The following TBC1D1 variants were observed in gnomAD, a reference collection of about 807,000 sequenced individuals.
The protein encoded by TBC1D1 is TBC1 domain family member 1.
Under a neutral mutation model 125.6 loss-of-function variants are expected in TBC1D1, and 89 were observed. That is an observed-to-expected ratio of 0.71 (90% CI 0.60 to 0.85). The LOEUF (loss-of-function observed/expected upper bound fraction) is 0.85. TBC1D1 is among the 40% of genes least tolerant of loss of function. The pLI is 0.00. For missense variants in TBC1D1, 1,377 were observed against 1,469.2 expected, an observed-to-expected ratio of 0.94 and a Z score of 1.03; for synonymous variants, 565 against 564.1, an observed-to-expected ratio of 1.00 and a Z score of -0.02.
chr4:38,129,456 G>T (rs1765226006), intron 18 of TBC1D1, among the ~76,000 whole-genome samples: 1 of 152,224 alleles, frequency 6.6e-6, no homozygotes, highest in African/African-American at 2.4e-5. Flanking sequence ...ATAACAAGCA[G>T]AGGGACTTTT....
rs1361951422 is a variant in TBC1D1, at chr4:37,977,960, C to A, written c.418-36549C>A. On this transcript the variant is annotated intron_variant, in intron 2 of 19. Transcript: ENST00000261439. The surrounding 1 kb of genome is among the most constrained non-coding windows in gnomAD (Gnocchi z 4.3). Reference sequence around the variant, plus strand: ...CAGAAGTCGGCTTGCGCTGGGCCGCCTGGACAGGGCGCCGAGGATGCCCAG... The same window carrying A: ...CAGAAGTCGGCTTGCGCTGGGCCGCATGGACAGGGCGCCGAGGATGCCCAG... Among the ~76,000 whole-genome samples the A allele has an allele frequency of 6.6e-6, 1 of 152,204 alleles. No homozygotes were observed. Among genetic ancestry groups the A allele is most frequent in the Non-Finnish European group, 1.5e-5 (1 of 68,026 alleles).
At chr4:38,100,313 C>T (rs1338785397) in intron 14 of TBC1D1, among the ~76,000 whole-genome samples, 1 of 152,204 alleles carries the variant, frequency 6.6e-6, no homozygotes, top group South Asian at 2.1e-4. Flanking sequence ...CAAAACCATG[C>T]CGTTAGCTTG....
At chr4:38,006,474 A>ATTTTTT (rs71190940) in intron 2 of TBC1D1, among the ~76,000 whole-genome samples, 13 of 101,358 alleles carry the variant, frequency 1.3e-4, no homozygotes, top group East Asian at 5.8e-4. Context: ...GACCAACACT[A>ATTTTTT]TTTTTTTTTT....
intron 12 of TBC1D1, among the ~76,000 whole-genome samples, chr4:38,068,107 C>A (rs1754049635): frequency 1.3e-5 from 2 of 152,152 alleles, no homozygotes; most frequent in South Asian, 4.1e-4. Flanking sequence ...ATTCCTTCGC[C>A]TTTGGCTTCC....
intron 1 of TBC1D1, among the ~76,000 whole-genome samples, chr4:37,894,030 C>T (rs1277994829): frequency 2.0e-5 from 3 of 151,154 alleles, no homozygotes; most frequent in Non-Finnish European, 4.4e-5. Context: ...GCTGTGTCAC[C>T]CAGGCTGGAG....
chr4:38,041,736 A>G (rs1187647824), intron 8 of TBC1D1, among the ~76,000 whole-genome samples: 2 of 152,250 alleles, frequency 1.3e-5, no homozygotes, highest in African/African-American at 4.8e-5. Flanking sequence ...ATTTAGTTTC[A>G]ACTACATATC....
chr4:37,965,067 C>A (rs1730819136), intron 2 of TBC1D1, among the ~76,000 whole-genome samples: 1 of 152,202 alleles, frequency 6.6e-6, no homozygotes. Context: ...CTAGGTGAGG[C>A]CTTTGGTGAA....
chr4:38,050,813 T>A lies in TBC1D1; in HGVS notation c.1910+915T>A, dbSNP rs189807249. On this transcript the variant is annotated intron_variant, in intron 11 of 19. Coordinates refer to ENST00000261439, the MANE Select transcript of TBC1D1 (RefSeq NM_015173.4). ...TGTTCTGAGTAAAGAAGTGTGAGCA[T>A]TAACAGTCCTGGATGATGGAGCAGA... Among the ~76,000 whole-genome samples, 7 of 152,320 alleles carry A rather than the reference T, an allele frequency of 4.6e-5. No homozygotes were observed. In the East Asian group the frequency reaches 1.3e-3, roughly 29 times the overall value.
chr4:38,021,677 G>C lies in TBC1D1; in HGVS notation c.1169G>C (p.Cys390Ser). Reference sequence around the variant, plus strand: ...GCGCCAGCCCAGCTGTGTGAGGGCTGCCCCCTGCAAAGCCTGCACAAGCTC... The same window carrying C: ...GCGCCAGCCCAGCTGTGTGAGGGCTCCCCCCTGCAAAGCCTGCACAAGCTC... Residue 390 changes from cysteine (C) to serine (S), a missense_variant, in exon 6 of 20, where the codon TGC becomes TCC. This residue lies in a region of TBC1D1 where 822 missense variants were observed against 824.6 expected (regional missense o/e 1.00). Transcript: ENST00000261439. The C allele has an allele frequency of 1.9e-6, 3 of 1,595,764 alleles. No homozygotes were observed. Among genetic ancestry groups the C allele is most frequent in the Non-Finnish European group, 2.6e-6 (3 of 1,171,364 alleles).
Position 38,027,829 on chromosome 4 carries a change from C to G in TBC1D1, c.1252C>G (p.Leu418Val). ...AACAAAACTAGAACTGCAAAAGCACCTGACGACATTAACCAATCAGGAGCA... is the reference window on the plus strand; with the variant it reads ...AACAAAACTAGAACTGCAAAAGCACGTGACGACATTAACCAATCAGGAGCA... The change falls in exon 7 of 20, where the codon CTG becomes GTG. Residue 418 changes from leucine (L) to valine (V), a missense_variant. Leu to Val is a conservative substitution (Grantham distance 32, BLOSUM62 1). Coordinates refer to ENST00000261439, the MANE Select transcript of TBC1D1 (RefSeq NM_015173.4). The G allele has an allele frequency of 6.2e-7, 1 of 1,613,656 alleles. No individual in the cohort carries two copies. The highest frequency in any genetic ancestry group is 1.3e-5 in the African/African-American group (1 of 74,970).
intron 2 of TBC1D1, among the ~76,000 whole-genome samples, chr4:37,904,264 A>T (rs111875693): frequency 3.6e-4 from 55 of 152,256 alleles, no homozygotes; most frequent in African/African-American, 1.3e-3. Context: ...CGTCTTAGGT[A>T]AAAAGAAACA....
At chr4:38,079,777 C>G (rs1218285890) in intron 12 of TBC1D1, among the ~76,000 whole-genome samples, 1 of 151,964 alleles carries the variant, frequency 6.6e-6, no homozygotes, top group South Asian at 2.1e-4. Context: ...ATTTAATGGT[C>G]AGGTCATCCA....
chr4:38,078,560 C>T (rs949449997), intron 12 of TBC1D1, among the ~76,000 whole-genome samples: 6 of 152,134 alleles, frequency 3.9e-5, no homozygotes, highest in Non-Finnish European at 7.4e-5. Context: ...GTGAGTGAAG[C>T]CCTCATGAAT....
intron 2 of TBC1D1, chr4:37,960,722 G>T: frequency 6.2e-7 from 1 of 1,614,156 alleles, no homozygotes; most frequent in Non-Finnish European, 8.5e-7. Flanking sequence ...TGACCGAGAA[G>T]ACTGTTAAAA....
chr4:37,977,517 C>G lies in TBC1D1; in HGVS notation c.418-36992C>G, dbSNP rs1733416426. 2.0e-6 allele frequency: 2 copies of G among 992,360 alleles called. No individual in the cohort carries two copies. Among genetic ancestry groups the G allele is most frequent in the Non-Finnish European group, 2.4e-6 (2 of 825,524 alleles). The allele number at this position is 992,360 out of a possible 1,614,324, so 61.5% of individuals were successfully genotyped here. A position where few individuals can be genotyped will look rare whatever the true frequency, so the allele number is the denominator to read the frequency against. On this transcript the variant is annotated intron_variant, in intron 2 of 19. Coordinates refer to ENST00000261439, the MANE Select transcript of TBC1D1 (RefSeq NM_015173.4). This position sits in a 1 kb window ranked among gnomAD's most constrained non-coding sequence, Gnocchi z 4.3. The stretch of plus-strand genomic sequence containing the variant: ...GGCCCGCGATGTCACCATTGTTCAG[C>G]TGGGTGGCCAAGGTAGGCGGCGTCG...
rs576986891 is a variant in TBC1D1, at chr4:37,922,219, T to C, written c.417+19707T>C. On this transcript the variant is annotated intron_variant, in intron 2 of 19. Transcript: ENST00000261439. Reference sequence around the variant, plus strand: ...TAATATGCTCACCCATCTTTTGTTTTGGTATCATAACTAATTTACAGTTGT... The same window carrying C: ...TAATATGCTCACCCATCTTTTGTTTCGGTATCATAACTAATTTACAGTTGT... Among the ~76,000 whole-genome samples, 15 of 152,342 alleles carry C rather than the reference T, an allele frequency of 9.8e-5. 1 individual carries two copies. The South Asian group carries it at 2.7e-3, about 27-fold the overall frequency.
At chr4:37,907,135 A>G (rs1417137907) in intron 2 of TBC1D1, among the ~76,000 whole-genome samples, 1 of 152,232 alleles carries the variant, frequency 6.6e-6, no homozygotes, top group Non-Finnish European at 1.5e-5. Flanking sequence ...CTCATAGCTG[A>G]TTCTCTATTC....
chr4:38,130,289 A>G (rs1765374220), intron 18 of TBC1D1, among the ~76,000 whole-genome samples: 1 of 152,248 alleles, frequency 6.6e-6, no homozygotes, highest in Non-Finnish European at 1.5e-5. Context: ...ACATGCTTTT[A>G]GGAAATAGGA....
intron 2 of TBC1D1, among the ~76,000 whole-genome samples, chr4:37,979,810 G>A (rs551253108): frequency 2.6e-5 from 4 of 152,284 alleles, no homozygotes; most frequent in South Asian, 2.1e-4. Context: ...ACAGAGCTTC[G>A]CTCTTGTTGT....
Sources: allele counts gnomAD v4.1 joint callset (sites outside exome capture counted in the v4.1 genomes callset), GRCh38; gene constraint gnomAD v4.1.1; regional missense constraint gnomAD v4.1.1; non-coding constraint Gnocchi (gnomAD v3.1); transcripts MANE v1.5; gene names NCBI Gene and HGNC (gene_info 2026-07-23, HGNC 2026-07-21).